Variants in RHCE observed in about 807,000 individuals in gnomAD.
RHCE encodes blood group Rh(CE) polypeptide.
RHCE carries 22 observed loss-of-function variants against 43.8 expected under a neutral mutation model. The ratio of observed to expected loss-of-function variants is 0.50; its 90% CI spans 0.36 to 0.72. RHCE has a LOEUF of 0.72. RHCE is among the 30% of genes least tolerant of loss of function. The probability of loss-of-function intolerance (pLI) is 0.00; values close to 1 mark genes in which losing one functional copy is unlikely to be tolerated. For synonymous variants in RHCE, 156 were observed against 210.7 expected (o/e 0.74, Z 2.25); for missense variants, 385 against 525.4 (o/e 0.73, Z 2.61).
At position 25,402,750 on chromosome 1, in the gene RHCE, G is replaced by T. The variant is rs768466679; in HGVS notation, c.336-4C>A. 6.2e-7 allele frequency: 1 copy of T among 1,614,166 alleles called. No individual in the cohort carries two copies. Among genetic ancestry groups the T allele is most frequent in the East Asian group, 2.2e-5 (1 of 44,882 alleles). Reference sequence around the variant, plus strand: ...ACTCATGGTGGCCAGCCGAATACTGGGGGTGAGAAGGAGAGCCAGGATGAC... The same window carrying T: ...ACTCATGGTGGCCAGCCGAATACTGTGGGTGAGAAGGAGAGCCAGGATGAC... On this transcript the variant is annotated splice_polypyrimidine_tract_variant and splice_region_variant and intron_variant, in intron 2 of 9. Transcript: ENST00000294413.
intron 6 of RHCE, among the ~76,000 whole-genome samples, chr1:25,388,062 G>A (rs1219696590): frequency 6.6e-6 from 1 of 151,548 alleles, no homozygotes; most frequent in Non-Finnish European, 1.5e-5. Context: ...CAGGCCATCT[G>A]CCCGCCTCGG....
chr1:25,413,486 G>A (rs1647164736), intron 1 of RHCE, among the ~76,000 whole-genome samples: 1 of 152,376 alleles, frequency 6.6e-6, no homozygotes, highest in South Asian at 2.1e-4. Context: ...GGGGTGATAA[G>A]AAGTGGATGT....
intron 1 of RHCE, among the ~76,000 whole-genome samples, chr1:25,415,560 G>A (rs934912948): frequency 6.0e-4 from 92 of 152,228 alleles, no homozygotes; most frequent in Non-Finnish European, 1.0e-3. Context: ...GCTGAGGCAG[G>A]AGAATTACTT....
chr1:25,422,608 T>C (rs2042774285), upstream of RHCE, among the ~76,000 whole-genome samples: 1 of 152,164 alleles, frequency 6.6e-6, no homozygotes, highest in Admixed American at 6.6e-5. Context: ...AAAAACTAAG[T>C]GACTTGCTCA....
chr1:25,369,875 A>G (rs1219746505), intron 9 of RHCE, among the ~76,000 whole-genome samples: 1 of 150,072 alleles, frequency 6.7e-6, no homozygotes, highest in Non-Finnish European at 1.5e-5. Context: ...AGTAACTGGG[A>G]TTACAGGCAT....
intron 1 of RHCE, among the ~76,000 whole-genome samples, chr1:25,417,391 C>A (rs987365364): frequency 6.6e-6 from 1 of 152,112 alleles, no homozygotes; most frequent in African/African-American, 2.4e-5. Context: ...GCTTAACCAA[C>A]TCGTGCAGAA....
intron 7 of RHCE, among the ~76,000 whole-genome samples, chr1:25,384,678 T>A (rs1421736395): frequency 6.6e-6 from 1 of 152,170 alleles, no homozygotes; most frequent in Non-Finnish European, 1.5e-5. Flanking sequence ...GTAGAAGGCA[T>A]CCAAGAACCG....
At chr1:25,420,596 C>G (rs1483353498) in intron 1 of RHCE, 43 bp downstream of exon 1, 2 of 1,613,934 alleles carry the variant, frequency 1.2e-6, no homozygotes, top group African/African-American at 1.3e-5. Context: ...CGCCCCTGCC[C>G]CTGCTATTTG....
intron 7 of RHCE, among the ~76,000 whole-genome samples, chr1:25,383,275 T>G (rs1387460916): frequency 6.6e-6 from 1 of 152,230 alleles, no homozygotes; most frequent in African/African-American, 2.4e-5. Flanking sequence ...TCACATATGC[T>G]CATCTGAATA....
intron 7 of RHCE, among the ~76,000 whole-genome samples, chr1:25,379,276 A>G (rs1247376549): frequency 1.3e-5 from 2 of 151,270 alleles, no homozygotes; most frequent in Non-Finnish European, 2.9e-5. Context: ...TGATGACTTT[A>G]TCTAATCCTA....
At chr1:25,397,155 A>T in intron 3 of RHCE, among the ~76,000 whole-genome samples, 1 of 144,240 alleles carries the variant, frequency 6.9e-6, no homozygotes. Flanking sequence ...TGAAGTATTT[A>T]GGGGTTAAAG....
At chr1:25,396,378 T>C (rs1223561518) in intron 3 of RHCE, among the ~76,000 whole-genome samples, 10 of 152,368 alleles carry the variant, frequency 6.6e-5, no homozygotes, top group Middle Eastern at 3.4e-3. Context: ...AATATATCAA[T>C]GTCAATTTCT....
In RHCE at chr1:25,376,842, A is replaced by C. The variant is rs190600553; in HGVS notation, c.1074-1414T>G. Among the ~76,000 whole-genome samples, 728 of 152,166 alleles carry C rather than the reference A, an allele frequency of 4.8e-3. 22 individuals carry two copies. The highest frequency in any genetic ancestry group is 0.041 in the Admixed American group (631 of 15,284). On this transcript the variant is annotated intron_variant, in intron 7 of 9. Coordinates refer to ENST00000294413, the MANE Select transcript of RHCE (RefSeq NM_020485.8). ...GGCAGGAGAACGGTGTGAACCCAGG[A>C]GGTGGAGTTTGCAGTGAGCTGAGAT...
upstream of RHCE, among the ~76,000 whole-genome samples, chr1:25,423,232 T>TG (rs2042780379): frequency 6.6e-6 from 1 of 152,190 alleles, no homozygotes; most frequent in Non-Finnish European, 1.5e-5. Context: ...TCTTATAAAC[T>TG]GGGTTTCCTG....
intron 1 of RHCE, among the ~76,000 whole-genome samples, chr1:25,418,149 C>T (rs2042651978): frequency 6.6e-6 from 1 of 152,070 alleles, no homozygotes; most frequent in Admixed American, 6.5e-5. Flanking sequence ...CCCTCAGCTT[C>T]CCAAGCAGCT....
At chr1:25,402,494 G>C in intron 3 of RHCE, 102 bp downstream of exon 3, 2 of 1,575,024 alleles carry the variant, frequency 1.3e-6, no homozygotes, top group African/African-American at 2.7e-5. Flanking sequence ...CCAAGTAGCT[G>C]GGATTACAGG....
rs553015713 is a variant in RHCE at position 25,381,120 on chromosome 1, T to G, written c.1073+4591A>C. On this transcript the variant is annotated intron_variant, in intron 7 of 9. Transcript: ENST00000294413. ...TCGGTAGCTTGGTCACACTCTCAGT[T>G]TTCTCAGCTGAAAATGTTCTTTCAT... Among the ~76,000 whole-genome samples, 140 of 152,192 alleles carry G rather than the reference T, an allele frequency of 9.2e-4. 1 individual carries two copies. Among genetic ancestry groups the G allele is most frequent in the African/African-American group, 3.0e-3 (123 of 41,524 alleles).
chr1:25,408,868 G>A lies in RHCE; in HGVS notation c.150C>T (p.Val50=), dbSNP rs200955066. The stretch of plus-strand genomic sequence containing the variant: ...CCGCCATCACGGTCAGATCTTGGCC[G>A]ACTGCTCGGTGGGGAGATGGTGAGA... ...DQKGLVASYQ[V]GQDLTVMAAL... The change falls in exon 2 of 10, where the codon GTC becomes GTT. Residue 50 remains valine (V), a splice_region_variant and synonymous_variant. Transcript: ENST00000294413. 5.4e-5 allele frequency: 69 copies of A among 1,283,052 alleles called. 16 individuals are homozygous for A. The Admixed American group carries it at 9.0e-4, about 17-fold the overall frequency. 79.5% of individuals were successfully genotyped at this position (1,283,052 alleles called of 1,614,324 possible).
chr1:25,385,803 G>A lies in RHCE; in HGVS notation c.981C>T (p.Val327=). Residue 327 remains valine (V), a synonymous_variant, in exon 7 of 10, where the codon GTC becomes GTT. Coordinates refer to ENST00000294413, the MANE Select transcript of RHCE (RefSeq NM_020485.8). The part of the protein sequence containing the change: ...NRVLGIHHIS[V]MHSIFSLLGL... ...CCAGCAAGCTGAAGATGGAGTGCAT[G>A]ACGGAGATGTGGTGAATCCCCAGCA... 1 of 1,614,064 alleles carries A rather than the reference G, an allele frequency of 6.2e-7. No homozygotes were observed. The highest frequency in any genetic ancestry group is 8.5e-7 in the Non-Finnish European group (1 of 1,180,022).
Sources: allele counts gnomAD v4.1 joint callset (sites outside exome capture counted in the v4.1 genomes callset), GRCh38; gene constraint gnomAD v4.1.1; transcripts MANE v1.5; gene names NCBI Gene and HGNC (gene_info 2026-07-23, HGNC 2026-07-21).